Variants in CA5A observed in about 807,000 individuals in gnomAD.
CA5A encodes carbonic anhydrase 5A, mitochondrial.
In CA5A, 28 loss-of-function variants were observed where a neutral mutation model predicts 37.1. That is an observed-to-expected ratio of 0.75 (90% CI 0.56 to 1.03). The LOEUF is 1.03. Ranked by LOEUF, CA5A falls within the 50% of genes least tolerant of loss-of-function variation. The probability of loss-of-function intolerance (pLI) is 0.00; values close to 1 mark genes in which losing one functional copy is unlikely to be tolerated. For missense variants in CA5A, 444 were observed against 399.9 expected (o/e 1.11, Z -0.94); for synonymous variants, 171 against 158.4 (o/e 1.08, Z -0.60).
At position 87,920,570 on chromosome 16, in the gene CA5A, A is replaced by G. The variant is rs571226609; in HGVS notation, c.340+6178T>C. On this transcript the variant is annotated intron_variant, in intron 2 of 6. Coordinates refer to ENST00000649794, the MANE Select transcript of CA5A (RefSeq NM_001739.2). ...GATGATCCACCTGCCTCTGCCTCCCAAAGCACTGGGATTACAGGCGTGAGC... is the reference window on the plus strand; with the variant it reads ...GATGATCCACCTGCCTCTGCCTCCCGAAGCACTGGGATTACAGGCGTGAGC... 1.0e-3 allele frequency among the ~76,000 whole-genome samples: 152 copies of G among 152,142 alleles called. 1 individual carries two copies. Among genetic ancestry groups the G allele is most frequent in the African/African-American group, 3.6e-3 (150 of 41,510 alleles).
chr16:87,893,658 G>T, intron 5 of CA5A: 1 of 603,386 alleles, frequency 1.7e-6, no homozygotes, highest in Non-Finnish European at 3.0e-6. Flanking sequence ...CGACAAGATA[G>T]CCGAGGCTCG....
chr16:87,927,984 G>T (rs2144077818), intron 1 of CA5A, among the ~76,000 whole-genome samples: 1 of 152,216 alleles, frequency 6.6e-6, no homozygotes, highest in African/African-American at 2.4e-5. Flanking sequence ...GAGAAAGCTG[G>T]ATCTTTTATT....
At chr16:87,882,059 G>C (rs2143871648) in intron 4 of CA5A, 1 of 152,292 alleles carries the variant, frequency 6.6e-6, no homozygotes, top group African/African-American at 2.4e-5. Flanking sequence ...GGCCGCTTGG[G>C]CCTTTCTCTG....
At chr16:87,929,742 G>C (rs963229403) in intron 1 of CA5A, among the ~76,000 whole-genome samples, 14 of 150,714 alleles carry the variant, frequency 9.3e-5, no homozygotes, top group Admixed American at 7.3e-4. Context: ...CGTGGTGGCG[G>C]GCGCCTGTAG....
At chr16:87,926,058 G>A (rs1038168660) in intron 2 of CA5A, among the ~76,000 whole-genome samples, 4 of 152,018 alleles carry the variant, frequency 2.6e-5, no homozygotes, top group African/African-American at 7.3e-5. Context: ...TCCCATTTCT[G>A]CTAAAAATAC....
intron 1 of CA5A, among the ~76,000 whole-genome samples, chr16:87,935,250 A>G (rs2056455907): frequency 6.6e-6 from 1 of 152,222 alleles, no homozygotes; most frequent in African/African-American, 2.4e-5. Context: ...CATTCTACGG[A>G]GGAAGCACCT....
At chr16:87,919,421 G>A (rs1386053743) in intron 2 of CA5A, among the ~76,000 whole-genome samples, 3 of 152,234 alleles carry the variant, frequency 2.0e-5, no homozygotes, top group East Asian at 1.9e-4. Flanking sequence ...TCAGCCATGG[G>A]ATGGTGGCTG....
chr16:87,916,696 C>T (rs1453800523), intron 2 of CA5A, among the ~76,000 whole-genome samples: 3 of 152,188 alleles, frequency 2.0e-5, no homozygotes, highest in Admixed American at 2.0e-4. Context: ...AGGCAAGCTC[C>T]ATGGGAGCAG....
At chr16:87,887,880 G>A (rs537684866), downstream of CA5A, 18 of 427,744 alleles carry the variant, frequency 4.2e-5, no homozygotes, top group Admixed American at 8.1e-5. Flanking sequence ...GTGGTACTTC[G>A]TTACAGTGAA....
chr16:87,921,034 C>T (rs2056223117), intron 2 of CA5A, among the ~76,000 whole-genome samples: 1 of 152,092 alleles, frequency 6.6e-6, no homozygotes, highest in Admixed American at 6.5e-5. Flanking sequence ...CTCAGGTGAT[C>T]CGCCTGCCTT....
At chr16:87,893,231 G>C (rs755394949) in intron 5 of CA5A, 1 of 411,152 alleles carries the variant, frequency 2.4e-6, no homozygotes, top group South Asian at 3.6e-5. Context: ...GGGTTCCAGC[G>C]ATCCTCCTGC....
chr16:87,893,138 C>T, intron 5 of CA5A: 3 of 514,814 alleles, frequency 5.8e-6, no homozygotes, highest in South Asian at 6.5e-5. Context: ...TTCTTTCTTT[C>T]TTTCTTTCTT....
At chr16:87,932,207 G>A (rs1405386202) in intron 1 of CA5A, among the ~76,000 whole-genome samples, 1 of 152,118 alleles carries the variant, frequency 6.6e-6, no homozygotes, top group Non-Finnish European at 1.5e-5. Flanking sequence ...TCCCACGGCC[G>A]CTGCCTCCAG....
chr16:87,905,034 C>G (rs541413201), intron 2 of CA5A, 130 bp from the exon 3 acceptor site: 9 of 705,808 alleles, frequency 1.3e-5, no homozygotes, highest in African/African-American at 3.5e-5. Flanking sequence ...GTTGAAGTGA[C>G]AAGCCAAAGG....
intron 2 of CA5A, among the ~76,000 whole-genome samples, chr16:87,925,885 C>T (rs926164975): frequency 2.0e-5 from 3 of 152,098 alleles, no homozygotes; most frequent in African/African-American, 7.2e-5. Context: ...CCCCTCCAGC[C>T]GCCTGCTCAG....
chr16:87,898,932 G>C (rs1353098537), intron 5 of CA5A, among the ~76,000 whole-genome samples: 1 of 151,894 alleles, frequency 6.6e-6, no homozygotes. Flanking sequence ...ACGGGGTTTT[G>C]CCATGTTGGC....
chr16:87,921,317 T>G (rs560714596), intron 2 of CA5A, among the ~76,000 whole-genome samples: 10 of 152,276 alleles, frequency 6.6e-5, no homozygotes, highest in African/African-American at 2.4e-4. Context: ...AGTACAGGGG[T>G]TGACTTGGCT....
At chr16:87,923,524 T>TCC (rs2045691982) in intron 2 of CA5A, 1 of 984,134 alleles carries the variant, frequency 1.0e-6, no homozygotes, top group Admixed American at 6.2e-5. Context: ...CCACATACCT[T>TCC]CCTCCTTCTA....
At chr16:87,931,572 A>C (rs1178715620) in intron 1 of CA5A, among the ~76,000 whole-genome samples, 1 of 152,224 alleles carries the variant, frequency 6.6e-6, no homozygotes, top group Non-Finnish European at 1.5e-5. Context: ...AAGGAGAATA[A>C]GGGAGTAGAA....
Sources: gnomAD v4.1 joint callset for allele counts (sites outside exome capture counted in the v4.1 genomes callset) on GRCh38, gnomAD v4.1.1 for gene constraint, MANE v1.5 for transcripts, NCBI Gene and HGNC (gene_info 2026-07-23, HGNC 2026-07-21) for gene names.